The following GJA5 variants were observed in gnomAD, a reference collection of about 807,000 sequenced individuals.
GJA5 encodes gap junction protein alpha 5, also known as gap junction alpha-5 protein.
In GJA5, 3 loss-of-function variants were observed where a neutral mutation model predicts 7.9. That is an observed-to-expected ratio of 0.38 (90% confidence interval 0.17 to 0.99). The LOEUF is 0.99. GJA5 is among the 50% of genes least tolerant of loss of function. The pLI is 0.38. For synonymous variants in GJA5, 193 were observed against 181.0 expected (o/e 1.07, Z -0.53); for missense variants, 390 against 457.9 (o/e 0.85, Z 1.35).
At chr1:147,772,444 C>T (rs587693743) in intron 1 of GJA5, among the ~76,000 whole-genome samples, 18 of 152,272 alleles carry the variant, frequency 1.2e-4, no homozygotes, top group Middle Eastern at 3.4e-3. Flanking sequence ...CTTCAAATTC[C>T]CCATTTTATA....
chr1:147,764,277 G>A (rs1263650705), upstream of GJA5, among the ~76,000 whole-genome samples: 9 of 152,138 alleles, frequency 5.9e-5, no homozygotes, highest in African/African-American at 9.7e-5. Context: ...GCCCTCTTTG[G>A]TGTCCCCTGA....
chr1:147,760,003 T>C (rs782052552), intron 1 of GJA5, among the ~76,000 whole-genome samples: 1 of 152,244 alleles, frequency 6.6e-6, no homozygotes, highest in South Asian at 2.1e-4. Context: ...ACCAGCTGTG[T>C]TGGGAGGTGG....
At position 147,756,426 on chromosome 1, in the gene GJA5, A is replaced by G. The variant is rs1170163112; in HGVS notation, c.*1736T>C. On this transcript the variant is annotated 3_prime_UTR_variant, in exon 2 of 2. Transcript: ENST00000579774. ...GATCAGACATTCCTTCCTAAATGGC[A>G]TCCTAGTCACTTTCCTCCACCTCTC... 4 of 152,176 alleles carry G rather than the reference A, an allele frequency of 2.6e-5. No homozygotes were observed. The highest frequency in any genetic ancestry group is 9.7e-5 in the African/African-American group (4 of 41,440). The allele number at this position is 152,176 out of a possible 1,614,324, so 9.4% of individuals were successfully genotyped here. A position where few individuals can be genotyped will look rare whatever the true frequency, so the allele number is the denominator to read the frequency against.
chr1:147,758,438 A>G lies in GJA5; in HGVS notation c.801T>C (p.Phe267=), dbSNP rs1553226849. 1 of 1,614,154 alleles carries G rather than the reference A, an allele frequency of 6.2e-7. No homozygotes were observed. The highest frequency in any genetic ancestry group is 2.2e-5 in the East Asian group (1 of 44,866). The part of the protein sequence containing the change: ...IVQSCTPPPD[F]NQCLENGPGG... ...CAGGGCCATTCTCCAGGCACTGATT[A>G]AAGTCGGGGGGTGGTGTGCAGCTCT... The change falls in exon 2 of 2, where the codon TTT becomes TTC. Residue 267 remains phenylalanine (F), a synonymous_variant. Transcript: ENST00000579774.
rs1008411185 is a variant in GJA5 at position 147,757,822 on chromosome 1, A to G, written c.*340T>C. On this transcript the variant is annotated 3_prime_UTR_variant, in exon 2 of 2. Transcript: ENST00000579774. ...CGCATTTGGTATGCTGCTGGTATGT[A>G]GAGAGAGAGTCATTCTATCCCTCTG... The G allele has an allele frequency of 1.9e-5, 7 of 363,068 alleles. No homozygotes were observed. The highest frequency in any genetic ancestry group is 3.1e-5 in the Non-Finnish European group (6 of 192,720). The allele number at this position is 363,068 out of a possible 1,614,324, so 22.5% of individuals were successfully genotyped here.
In GJA5 at chr1:147,757,926, C is replaced by G; in HGVS notation, c.*236G>C. Reference sequence around the variant, plus strand: ...GTTTCATGAGTAATCTGAAAGGCTTCGTATACTGGGTAGAGGGTGGGGAGG... The same window carrying G: ...GTTTCATGAGTAATCTGAAAGGCTTGGTATACTGGGTAGAGGGTGGGGAGG... On this transcript the variant is annotated 3_prime_UTR_variant, in exon 2 of 2. Coordinates refer to ENST00000579774, the MANE Select transcript of GJA5 (RefSeq NM_181703.4). 1 of 566,036 alleles carries G rather than the reference C, an allele frequency of 1.8e-6. No homozygotes were observed. The highest frequency in any genetic ancestry group is 3.2e-6 in the Non-Finnish European group (1 of 316,756). 35.1% of individuals were successfully genotyped at this position (566,036 alleles called of 1,614,324 possible). A position where few individuals can be genotyped will look rare whatever the true frequency, so the allele number is the denominator to read the frequency against.
At chr1:147,766,135 C>T (rs1336546167) in intron 1 of GJA5, among the ~76,000 whole-genome samples, 5 of 152,126 alleles carry the variant, frequency 3.3e-5, no homozygotes, top group African/African-American at 1.2e-4. Context: ...TCTCACACAC[C>T]TGAGAATTAG....
intron 1 of GJA5, among the ~76,000 whole-genome samples, chr1:147,769,152 T>C (rs1664311778): frequency 1.3e-5 from 2 of 152,266 alleles, no homozygotes; most frequent in Admixed American, 1.3e-4. Context: ...CCCAGACTCT[T>C]CGGCCTCTGC....
At chr1:147,767,551 C>A (rs1396766872) in intron 1 of GJA5, among the ~76,000 whole-genome samples, 1 of 62,678 alleles carries the variant, frequency 1.6e-5, no homozygotes, top group African/African-American at 6.3e-5. Context: ...CCATACCCAG[C>A]TAATTTTTGT....
Position 147,757,819 on chromosome 1 carries a change from T to C in GJA5, c.*343A>G. ...GAACGCATTTGGTATGCTGCTGGTA[T>C]GTAGAGAGAGAGTCATTCTATCCCT... On this transcript the variant is annotated 3_prime_UTR_variant, in exon 2 of 2. Coordinates refer to ENST00000579774, the MANE Select transcript of GJA5 (RefSeq NM_181703.4). 1 of 349,420 alleles carries C rather than the reference T, an allele frequency of 2.9e-6. No homozygotes were observed. Among genetic ancestry groups the C allele is most frequent in the South Asian group, 3.0e-5 (1 of 33,574 alleles). 21.6% of individuals were successfully genotyped at this position (349,420 alleles called of 1,614,324 possible). A position where few individuals can be genotyped will look rare whatever the true frequency, so the allele number is the denominator to read the frequency against.
upstream of GJA5, among the ~76,000 whole-genome samples, chr1:147,764,823 CAA>C (rs10622801): frequency 1.2e-3 from 148 of 125,634 alleles, 1 homozygote; most frequent in African/African-American, 2.5e-3. Flanking sequence ...GACTCCGTCT[CAA>C]AAAAAAAAAA....
Position 147,758,574 on chromosome 1 carries a change from C to G in GJA5, c.665G>C (p.Ser222Thr), listed in dbSNP as rs1553226908. 19 of 1,613,666 alleles carry G rather than the reference C, an allele frequency of 1.2e-5. No homozygotes were observed. Among genetic ancestry groups the G allele is most frequent in the Non-Finnish European group, 1.6e-5 (19 of 1,179,666 alleles). The change falls in exon 2 of 2, where the codon AGC (serine) becomes ACC (threonine). Residue 222 changes from serine to threonine, a missense_variant. Physicochemically the swap from Ser to Thr is moderately conservative, Grantham distance 58 (BLOSUM62 1). Transcript: ENST00000579774. ...LAVAALSLLL[S>T]LAELYHLGWK... is the part of the protein sequence containing the mutation. The stretch of plus-strand genomic sequence containing the variant: ...GCCCAGGTGGTAGAGTTCAGCCAGG[C>G]TAAGGAGGAGGGACAGTGCAGCCAC...
chr1:147,765,412 C>G (rs1370655802), upstream of GJA5, among the ~76,000 whole-genome samples: 3 of 152,154 alleles, frequency 2.0e-5, no homozygotes, highest in Non-Finnish European at 4.4e-5. Flanking sequence ...AAGTTTCATT[C>G]CATCTCCCCT....
chr1:147,765,726 C>T (rs1359011015), intron 1 of GJA5, among the ~76,000 whole-genome samples: 1 of 152,174 alleles, frequency 6.6e-6, no homozygotes, highest in Non-Finnish European at 1.5e-5. Flanking sequence ...TCTCAACCCA[C>T]ATGATAGGCC....
chr1:147,759,312 T>A, intron 1 of GJA5, 41 bp from the exon 2 acceptor site: 1 of 1,010,848 alleles, frequency 9.9e-7, no homozygotes, highest in Non-Finnish European at 1.6e-6. Flanking sequence ...AGAAGAAGGA[T>A]GTTCTGTGAA....
In GJA5 at chr1:147,768,614, A is replaced by C. The variant is rs183729069; in HGVS notation, c.-34+4638T>G. On this transcript the variant is annotated intron_variant, in intron 1 of 1. Coordinates refer to the GJA5 transcript ENST00000430508. ...AGAGCTGAACGGAATGTAGAGATCA[A>C]TCAAACTCAACTCCTTATTTTTAAA... is the stretch of plus-strand genomic sequence containing the variant. Among the ~76,000 whole-genome samples the C allele has an allele frequency of 2.8e-4, 43 of 152,324 alleles. 1 individual carries two copies. The East Asian group carries it at 6.4e-3, about 23-fold the overall frequency.
intron 1 of GJA5, among the ~76,000 whole-genome samples, chr1:147,772,604 C>T (rs1223370748): frequency 6.6e-6 from 1 of 152,154 alleles, no homozygotes; most frequent in Admixed American, 6.5e-5. Flanking sequence ...CTTCACACCA[C>T]AAGTGGAAAG....
chr1:147,758,425 C>G lies in GJA5; in HGVS notation c.814G>C (p.Glu272Gln), dbSNP rs372470415. The change falls in exon 2 of 2, where the codon GAG becomes CAG. Residue 272 changes from glutamate to glutamine, a missense_variant. Glu to Gln is a conservative substitution (Grantham distance 29). Transcript: ENST00000579774. Reference protein sequence around the residue: ...TPPPDFNQCLENGPGGKFFNP... With the variant: ...TPPPDFNQCLQNGPGGKFFNP... ...AAGAATTTTCCCCCAGGGCCATTCT[C>G]CAGGCACTGATTAAAGTCGGGGGGT... 1.9e-6 allele frequency: 3 copies of G among 1,614,026 alleles called. No homozygotes were observed. The highest frequency in any genetic ancestry group is 1.7e-6 in the Non-Finnish European group (2 of 1,180,012).
rs782417838 is a variant in GJA5 at position 147,758,515 on chromosome 1, G to T, written c.724C>A (p.Arg242=). ...KKIRQRFVKP[R]QHMAKCQLSG... is the part of the protein sequence containing the mutation. ...AGCTGGCACTTAGCCATGTGCTGCC[G>T]CGGTTTGACAAATCGCTGTCTGATC... Residue 242 remains arginine, a synonymous_variant, in exon 2 of 2, where the codon CGG becomes AGG. Transcript: ENST00000579774. The T allele has an allele frequency of 1.4e-5, 23 of 1,614,046 alleles. No individual in the cohort carries two copies. In the South Asian group the frequency reaches 1.6e-4, roughly 12 times the overall value.
Sources: gnomAD v4.1 joint callset for allele counts (sites outside exome capture counted in the v4.1 genomes callset) on GRCh38, gnomAD v4.1.1 for gene constraint, MANE v1.5 for transcripts, NCBI Gene and HGNC (gene_info 2026-07-23, HGNC 2026-07-21) for gene names.